The following CCDC18 variants were observed in gnomAD, a reference collection of about 807,000 sequenced individuals.
CCDC18 encodes the protein coiled-coil domain-containing protein 18.
In CCDC18, 157 loss-of-function variants were observed where a neutral mutation model predicts 196.0. That is an observed-to-expected ratio of 0.80 (90% CI 0.70 to 0.91). The LOEUF is 0.91. Ranked by LOEUF, CCDC18 falls within the 40% of genes least tolerant of loss-of-function variation. CCDC18 has a pLI of 0.00. For synonymous variants in CCDC18, 482 were observed against 529.2 expected, an observed-to-expected ratio of 0.91 and a Z score of 1.22; for missense variants, 1,465 against 1,611.6, an observed-to-expected ratio of 0.91 and a Z score of 1.56.
intron 22 of CCDC18, 126 bp downstream of exon 22, chr1:93,246,330 G>T: frequency 1.8e-6 from 1 of 546,312 alleles, no homozygotes; most frequent in Non-Finnish European, 3.3e-6. Context: ...TGCACATAGG[G>T]TTTACTAAAT....
At position 93,264,748 on chromosome 1, in the gene CCDC18, C is replaced by G. The variant is rs779073115; in HGVS notation, c.3732C>G (p.Asp1244Glu). 3 of 1,613,042 alleles carry G rather than the reference C, an allele frequency of 1.9e-6. No individual in the cohort carries two copies. In the East Asian group the frequency reaches 6.7e-5, roughly 36 times the overall value. Residue 1244 changes from aspartate (D) to glutamate (E), a missense_variant, in exon 27 of 29, where the codon GAC (aspartate) becomes GAG (glutamate). By Grantham distance (45) the Asp-to-Glu change is conservative. Coordinates refer to ENST00000690025, the MANE Select transcript of CCDC18 (RefSeq NM_001378204.1). Reference sequence around the variant, plus strand: ...ATGCAAAGTGGAAGATTTCTGCTGACTCTCAAAAGTCTTCTGTTCAGCAAC... The same window carrying G: ...ATGCAAAGTGGAAGATTTCTGCTGAGTCTCAAAAGTCTTCTGTTCAGCAAC... ...ENHAKWKISA[D>E]SQKSSVQQLN...
intron 3 of CCDC18, among the ~76,000 whole-genome samples, chr1:93,185,717 T>G (rs1650546220): frequency 6.6e-6 from 1 of 151,996 alleles, no homozygotes; most frequent in South Asian, 2.1e-4. Flanking sequence ...TAAAAGTGGT[T>G]ACCCACCTAT....
intron 26 of CCDC18, among the ~76,000 whole-genome samples, chr1:93,260,047 C>T (rs1046172470): frequency 3.3e-5 from 5 of 152,126 alleles, no homozygotes; most frequent in Non-Finnish European, 5.9e-5. Context: ...AATTCCAGAG[C>T]TCAGATAACC....
At chr1:93,198,428 T>C (rs1653167815) in intron 6 of CCDC18, among the ~76,000 whole-genome samples, 1 of 152,200 alleles carries the variant, frequency 6.6e-6, no homozygotes, top group Non-Finnish European at 1.5e-5. Context: ...CATATGTTGT[T>C]AAAAGTCCAA....
Position 93,270,562 on chromosome 1 carries a change from T to C in CCDC18, c.4101T>C (p.Asp1367=). 6.4e-7 allele frequency: 1 copy of C among 1,550,450 alleles called. No homozygotes were observed. Among genetic ancestry groups the C allele is most frequent in the South Asian group, 1.2e-5 (1 of 84,062 alleles). Residue 1367 remains aspartate, a synonymous_variant, in exon 28 of 29, where the codon GAT becomes GAC. Coordinates refer to ENST00000690025, the MANE Select transcript of CCDC18 (RefSeq NM_001378204.1). ...ASDLTFKIHG[D]EDLSEELLQD... ...ATCTTACTTTCAAAATTCATGGTGA[T>C]GAAGATCTTTCTGAAGAATTACTAC...
chr1:93,257,240 A>AG (rs1304823666), intron 25 of CCDC18, among the ~76,000 whole-genome samples: 1 of 137,276 alleles, frequency 7.3e-6, no homozygotes, highest in African/African-American at 2.8e-5. Flanking sequence ...TCAAAAAAAA[A>AG]AAAAAAAAAA....
At chr1:93,271,317 A>G in intron 28 of CCDC18, 1 of 985,284 alleles carries the variant, frequency 1.0e-6, no homozygotes, top group Non-Finnish European at 1.2e-6. Context: ...CCTCATCCTT[A>G]TAATTTTTCA....
chr1:93,248,899 G>C (rs1013431360), intron 23 of CCDC18, among the ~76,000 whole-genome samples: 2 of 151,298 alleles, frequency 1.3e-5, no homozygotes, highest in African/African-American at 2.4e-5. Flanking sequence ...CTTGAGCCTG[G>C]GAAGTAGAGG....
intron 27 of CCDC18, among the ~76,000 whole-genome samples, chr1:93,270,008 T>G (rs1034614492): frequency 1.3e-5 from 2 of 152,190 alleles, no homozygotes; most frequent in Non-Finnish European, 2.9e-5. Flanking sequence ...AAAGATAGCG[T>G]ACCTCTACAT....
intron 6 of CCDC18, among the ~76,000 whole-genome samples, chr1:93,200,382 A>G (rs1489449646): frequency 1.3e-5 from 2 of 151,138 alleles, no homozygotes; most frequent in African/African-American, 4.9e-5. Flanking sequence ...GACTCACTCC[A>G]GTAATCCAAG....
chr1:93,207,014 G>A lies in CCDC18; in HGVS notation c.918-93G>A, dbSNP rs1292330763. On this transcript the variant is annotated intron_variant, in intron 8 of 28. Transcript: ENST00000690025. The stretch of plus-strand genomic sequence containing the variant: ...TGAGCAGGTATTATTTTAGAATTAA[G>A]CTTCAAAAAATTTTAAAAGTGAGAT... 1.1e-5 allele frequency: 8 copies of A among 700,896 alleles called. No homozygotes were observed. The South Asian group carries it at 2.3e-4, about 20-fold the overall frequency. 43.4% of individuals were successfully genotyped at this position (700,896 alleles called of 1,614,324 possible). A position where few individuals can be genotyped will look rare whatever the true frequency, so the allele number is the denominator to read the frequency against.
chr1:93,203,335 A>T (rs1654152517), intron 7 of CCDC18, among the ~76,000 whole-genome samples: 1 of 152,210 alleles, frequency 6.6e-6, no homozygotes, highest in African/African-American at 2.4e-5. Flanking sequence ...TCTATTTTGG[A>T]AATGTCTGTA....
chr1:93,266,571 A>G (rs1334266738), intron 27 of CCDC18, among the ~76,000 whole-genome samples: 1 of 152,224 alleles, frequency 6.6e-6, no homozygotes. Context: ...AAGAAAAGAG[A>G]GAAGAATCAA....
chr1:93,230,304 G>A (rs998556234), intron 17 of CCDC18, among the ~76,000 whole-genome samples: 7 of 151,454 alleles, frequency 4.6e-5, no homozygotes, highest in African/African-American at 7.3e-5. Context: ...GATCTAACAC[G>A]GTGAAACCCC....
intron 8 of CCDC18, 62 bp from the exon 9 acceptor site, chr1:93,207,044 TA>T (rs2101918110): frequency 1.1e-6 from 1 of 913,676 alleles, no homozygotes; most frequent in East Asian, 2.8e-5. Flanking sequence ...TGAGATTAAA[TA>T]AATATGATTA....
chr1:93,270,333 C>T lies in CCDC18; in HGVS notation c.3886-14C>T, dbSNP rs1285851185. The T allele has an allele frequency of 6.8e-7, 1 of 1,465,926 alleles. No homozygotes were observed. Among genetic ancestry groups the T allele is most frequent in the Admixed American group, 2.1e-5 (1 of 48,410 alleles). The allele number at this position is 1,465,926 out of a possible 1,614,324, so 90.8% of individuals were successfully genotyped here. A position where few individuals can be genotyped will look rare whatever the true frequency, so the allele number is the denominator to read the frequency against. On this transcript the variant is annotated splice_polypyrimidine_tract_variant and intron_variant, in intron 27 of 28. Coordinates refer to ENST00000690025, the MANE Select transcript of CCDC18 (RefSeq NM_001378204.1). ...AATGTATTGAGCACCTACTATGTAC[C>T]AATTTATCTGCAGGAATCAGAATTA...
At chr1:93,214,676 C>A in intron 11 of CCDC18, 67 bp from the exon 12 acceptor site, 1 of 1,104,818 alleles carries the variant, frequency 9.1e-7, no homozygotes. Flanking sequence ...CTAAATCTTT[C>A]AACTATTTAA....
intron 8 of CCDC18, 63 bp downstream of exon 8, chr1:93,205,694 A>G: frequency 1.4e-6 from 2 of 1,385,426 alleles, no homozygotes; most frequent in South Asian, 2.5e-5. Context: ...GAAACACTTT[A>G]AAACACAATA....
intron 11 of CCDC18, among the ~76,000 whole-genome samples, chr1:93,213,770 G>A (rs1401412420): frequency 6.6e-6 from 1 of 152,054 alleles, no homozygotes; most frequent in Non-Finnish European, 1.5e-5. Context: ...GATCTATCTT[G>A]GTGAATGTTC....
Sources: allele counts gnomAD v4.1 joint callset (sites outside exome capture counted in the v4.1 genomes callset), GRCh38; gene constraint gnomAD v4.1.1; transcripts MANE v1.5; gene names NCBI Gene and HGNC (gene_info 2026-07-23, HGNC 2026-07-21).